TRDN: variants seen among roughly 807,000 people sequenced by gnomAD.
TRDN encodes triadin, also known as triadin in skeletal muscle.
TRDN carries 161 observed loss-of-function variants against 149.7 expected under a neutral mutation model. That is an observed-to-expected ratio of 1.08 (90% CI 0.95 to 1.23). The LOEUF (loss-of-function observed/expected upper bound fraction) is 1.23. Among genes scored for constraint, TRDN ranks in the 50% most tolerant of loss-of-function variants. The probability of loss-of-function intolerance (pLI) is 0.00; values close to 1 mark genes in which losing one functional copy is unlikely to be tolerated. For missense variants in TRDN, 896 were observed against 823.5 expected (o/e 1.09, Z -1.08); for synonymous variants, 294 against 250.5 (o/e 1.17, Z -1.64).
intron 9 of TRDN, among the ~76,000 whole-genome samples, chr6:123,469,475 A>T (rs1777027273): frequency 6.6e-6 from 1 of 152,166 alleles, no homozygotes; most frequent in Non-Finnish European, 1.5e-5. Context: ...TTGCCTATTA[A>T]ACAAAGACCT....
chr6:123,570,888 A>T, intron 2 of TRDN, 35 bp downstream of exon 2: 1 of 1,592,708 alleles, frequency 6.3e-7, no homozygotes, highest in Non-Finnish European at 8.6e-7. Flanking sequence ...ATTTGAATTA[A>T]TTTTAATTTT....
intron 2 of TRDN, among the ~76,000 whole-genome samples, chr6:123,568,974 G>A (rs1363712344): frequency 6.6e-6 from 1 of 152,094 alleles, no homozygotes; most frequent in Non-Finnish European, 1.5e-5. Flanking sequence ...CACATGGCTA[G>A]GCTGCAAATT....
At chr6:123,609,154 C>G (rs1784667493) in intron 1 of TRDN, among the ~76,000 whole-genome samples, 1 of 151,748 alleles carries the variant, frequency 6.6e-6, no homozygotes, top group Admixed American at 6.6e-5. Flanking sequence ...GTCTGGGTGA[C>G]AGAGGGAGAC....
chr6:123,528,021 A>G (rs1053120810), intron 5 of TRDN, among the ~76,000 whole-genome samples: 2 of 151,934 alleles, frequency 1.3e-5, no homozygotes, highest in East Asian at 3.9e-4. Context: ...CTTTAGCTCC[A>G]TAAACTGCTG....
intron 1 of TRDN, among the ~76,000 whole-genome samples, chr6:123,580,928 T>C (rs1783091502): frequency 6.6e-6 from 1 of 152,178 alleles, no homozygotes; most frequent in South Asian, 2.1e-4. Context: ...AGAATTCATT[T>C]CTTAATTTAA....
chr6:123,362,823 A>G (rs1278147586), intron 20 of TRDN, among the ~76,000 whole-genome samples: 4 of 152,172 alleles, frequency 2.6e-5, no homozygotes, highest in Non-Finnish European at 5.9e-5. Context: ...GCTCAAGAAC[A>G]ATATTAACAT....
intron 9 of TRDN, among the ~76,000 whole-genome samples, chr6:123,472,413 C>T (rs1303679850): frequency 6.6e-6 from 1 of 152,244 alleles, no homozygotes; most frequent in Admixed American, 6.5e-5. Context: ...ATATCCCACA[C>T]CTGGCTCGGA....
At chr6:123,614,240 C>T (rs1379624858) in intron 1 of TRDN, among the ~76,000 whole-genome samples, 1 of 148,068 alleles carries the variant, frequency 6.8e-6, no homozygotes, top group Non-Finnish European at 1.5e-5. Context: ...CTTTAAACTC[C>T]CCACCATATG....
rs77510372 is a variant in TRDN, at chr6:123,442,571, A to G, written c.932-3568T>C. ...AAAAAAAAAAAAAAAAGAAAAAAAAAAAAAGTCTACCTTGCTTACTTGTGA... is the reference window on the plus strand; with the variant it reads ...AAAAAAAAAAAAAAAAGAAAAAAAAGAAAAGTCTACCTTGCTTACTTGTGA... On this transcript the variant is annotated intron_variant, in intron 10 of 40. Coordinates refer to ENST00000334268, the MANE Select transcript of TRDN (RefSeq NM_006073.4). 2.6e-5 allele frequency among the ~76,000 whole-genome samples: 4 copies of G among 151,206 alleles called. 1 individual carries two copies.
intron 1 of TRDN, among the ~76,000 whole-genome samples, chr6:123,610,154 T>G (rs1166624854): frequency 6.6e-6 from 1 of 152,166 alleles, no homozygotes; most frequent in African/African-American, 2.4e-5. Flanking sequence ...CAAAATATAC[T>G]GAAGTTTCAC....
intron 13 of TRDN, among the ~76,000 whole-genome samples, chr6:123,390,661 T>C (rs919297311): frequency 2.0e-5 from 3 of 152,118 alleles, no homozygotes; most frequent in African/African-American, 7.2e-5. Context: ...CAATTGTTTC[T>C]AGAACGGTTT....
At chr6:123,499,076 G>A (rs1296823731) in intron 8 of TRDN, among the ~76,000 whole-genome samples, 2 of 152,096 alleles carry the variant, frequency 1.3e-5, no homozygotes, top group Non-Finnish European at 2.9e-5. Flanking sequence ...CAGAATCACT[G>A]ATCTAAAACC....
intron 12 of TRDN, among the ~76,000 whole-genome samples, chr6:123,425,919 C>T (rs1774102610): frequency 6.6e-6 from 1 of 151,926 alleles, no homozygotes; most frequent in South Asian, 2.1e-4. Flanking sequence ...CATCTATCTA[C>T]ACACACACAG....
intron 12 of TRDN, among the ~76,000 whole-genome samples, chr6:123,400,758 C>A (rs1001713321): frequency 6.6e-6 from 1 of 152,156 alleles, no homozygotes; most frequent in Admixed American, 6.5e-5. Flanking sequence ...AAACCAGCCC[C>A]TTTTTTCTAA....
chr6:123,584,873 GT>G, intron 1 of TRDN, among the ~76,000 whole-genome samples: 1 of 152,290 alleles, frequency 6.6e-6, no homozygotes, highest in East Asian at 1.9e-4. Context: ...AAACAATTTG[GT>G]TGATAAGGCG....
At chr6:123,489,952 T>C (rs936103417) in intron 9 of TRDN, among the ~76,000 whole-genome samples, 8 of 151,992 alleles carry the variant, frequency 5.3e-5, no homozygotes, top group Non-Finnish European at 1.2e-4. Context: ...TCAGAATTAT[T>C]TTTTCCATCC....
At chr6:123,380,852 A>G (rs1469538224) in intron 16 of TRDN, among the ~76,000 whole-genome samples, 2 of 152,178 alleles carry the variant, frequency 1.3e-5, no homozygotes, top group South Asian at 2.1e-4. Flanking sequence ...TTAAAGCAAC[A>G]GTGGATGAGG....
At chr6:123,490,763 T>G (rs1778179535) in intron 9 of TRDN, among the ~76,000 whole-genome samples, 1 of 152,180 alleles carries the variant, frequency 6.6e-6, no homozygotes, top group African/African-American at 2.4e-5. Flanking sequence ...ACAATGTGAA[T>G]TTAAAAATAA....
chr6:123,349,821 G>C, intron 21 of TRDN: 1 of 985,326 alleles, frequency 1.0e-6, no homozygotes, highest in Non-Finnish European at 1.2e-6. Flanking sequence ...ACACAAAGAA[G>C]AGAAGAATCT....
Sources: gnomAD v4.1 joint callset for allele counts (sites outside exome capture counted in the v4.1 genomes callset) on GRCh38, gnomAD v4.1.1 for gene constraint, MANE v1.5 for transcripts, NCBI Gene and HGNC (gene_info 2026-07-23, HGNC 2026-07-21) for gene names.